The following VAT1L variants were observed in gnomAD, a reference collection of about 807,000 sequenced individuals.
VAT1L encodes the protein vesicle amine transport 1 like.
In VAT1L, 34 loss-of-function variants were observed where a neutral mutation model predicts 44.1. The observed-to-expected ratio is 0.77, with a 90% CI of 0.59 to 1.03. The LOEUF is 1.03. VAT1L is among the 50% of genes least tolerant of loss of function. VAT1L has a pLI of 0.00. For synonymous variants in VAT1L, 253 were observed against 202.2 expected, an observed-to-expected ratio of 1.25 and a Z score of -2.13; for missense variants, 615 against 538.8, an observed-to-expected ratio of 1.14 and a Z score of -1.40.
chr16:77,923,133 G>A (rs1464929288), intron 7 of VAT1L, among the ~76,000 whole-genome samples: 4 of 152,150 alleles, frequency 2.6e-5, no homozygotes, highest in African/African-American at 7.2e-5. Flanking sequence ...GGCTTCTGGA[G>A]GACAATTCTG....
chr16:77,835,689 A>G (rs952582188), intron 3 of VAT1L, among the ~76,000 whole-genome samples: 1 of 152,120 alleles, frequency 6.6e-6, no homozygotes, highest in African/African-American at 2.4e-5. Flanking sequence ...CCTGGCCAAC[A>G]TGGTGAAACC....
intron 7 of VAT1L, among the ~76,000 whole-genome samples, chr16:77,958,417 A>C (rs755193250): frequency 6.6e-6 from 1 of 152,168 alleles, no homozygotes; most frequent in Admixed American, 6.5e-5. Flanking sequence ...GAGCATCTCC[A>C]TAAGCTAAAG....
intron 7 of VAT1L, among the ~76,000 whole-genome samples, chr16:77,961,349 C>T (rs2018158159): frequency 6.6e-6 from 1 of 152,152 alleles, no homozygotes; most frequent in African/African-American, 2.4e-5. Flanking sequence ...GGTTCAAGGG[C>T]TTCCTTCCAG....
At chr16:77,824,624 C>A (rs1227572857) in intron 2 of VAT1L, among the ~76,000 whole-genome samples, 1 of 151,002 alleles carries the variant, frequency 6.6e-6, no homozygotes, top group East Asian at 2.0e-4. Flanking sequence ...GGCATGGTGA[C>A]AGGCACCTGT....
intron 4 of VAT1L, among the ~76,000 whole-genome samples, chr16:77,875,195 GGACAT>G (rs375724754): frequency 1.3e-5 from 2 of 152,214 alleles, no homozygotes; most frequent in East Asian, 3.9e-4. Flanking sequence ...GCTGGATTTT[GGACAT>G]GACATGAGGG....
intron 7 of VAT1L, among the ~76,000 whole-genome samples, chr16:77,926,617 T>C (rs1946789795): frequency 6.6e-6 from 1 of 152,072 alleles, no homozygotes; most frequent in Admixed American, 6.6e-5. Context: ...AGCTAAAAGA[T>C]ACGGTGGTTG....
At chr16:77,892,401 T>C in intron 7 of VAT1L, 1 of 418,288 alleles carries the variant, frequency 2.4e-6, no homozygotes, top group South Asian at 1.9e-5. Context: ...ATCTCCTGGC[T>C]CTGCAGACAC....
chr16:77,841,976 C>T (rs758286224), intron 3 of VAT1L, among the ~76,000 whole-genome samples: 1 of 152,070 alleles, frequency 6.6e-6, no homozygotes, highest in Non-Finnish European at 1.5e-5. Context: ...CAAGCTCCAC[C>T]TCCCGGGTTC....
At chr16:77,805,475 G>A (rs545863806) in intron 1 of VAT1L, among the ~76,000 whole-genome samples, 55 of 151,532 alleles carry the variant, frequency 3.6e-4, no homozygotes, top group Admixed American at 1.1e-3. Context: ...CTTTGACCCC[G>A]CATGGATTGG....
chr16:77,968,402 G>A (rs1490336774), intron 7 of VAT1L, among the ~76,000 whole-genome samples: 1 of 152,196 alleles, frequency 6.6e-6, no homozygotes, highest in East Asian at 1.9e-4. Flanking sequence ...CGTTCACCCT[G>A]GGTACAATGC....
rs775945952 is a variant in VAT1L at position 77,971,908 on chromosome 16, A to G, written c.1136A>G (p.Asp379Gly). 1 of 1,613,892 alleles carries G rather than the reference A, an allele frequency of 6.2e-7. No homozygotes were observed. The highest frequency in any genetic ancestry group is 8.5e-7 in the Non-Finnish European group (1 of 1,179,880). ...DRGNIGKLILDVEKTPTPLMA... is the reference protein window; with the variant it reads ...DRGNIGKLILGVEKTPTPLMA... ...GGGAACATTGGCAAGTTAATTCTGG[A>G]TGTAGAAAAGACCCCAACTCCACTG... Residue 379 changes from aspartate (D) to glycine (G), a missense_variant, in exon 8 of 9, where the codon GAT becomes GGT. Asp to Gly is a moderately conservative substitution (Grantham distance 94). Coordinates refer to ENST00000302536, the MANE Select transcript of VAT1L (RefSeq NM_020927.3).
chr16:77,950,428 AC>A (rs1486468386), intron 7 of VAT1L, among the ~76,000 whole-genome samples: 5 of 151,352 alleles, frequency 3.3e-5, no homozygotes, highest in Non-Finnish European at 7.4e-5. Context: ...ACACACACAC[AC>A]ACACACACAC....
At chr16:77,861,193 T>G (rs2016911089) in intron 3 of VAT1L, among the ~76,000 whole-genome samples, 1 of 151,204 alleles carries the variant, frequency 6.6e-6, no homozygotes, top group Admixed American at 6.7e-5. Context: ...GACATGAAAA[T>G]AAGATGATAG....
At chr16:77,861,171 C>T (rs184726628) in intron 3 of VAT1L, among the ~76,000 whole-genome samples, 16 of 152,186 alleles carry the variant, frequency 1.1e-4, no homozygotes, top group Admixed American at 8.5e-4. Context: ...TGATTTAGTC[C>T]GCCAGCATGA....
rs377317060 is a variant in VAT1L at position 77,960,916 on chromosome 16, C to T, written c.1078-10934C>T. 1.1e-4 allele frequency among the ~76,000 whole-genome samples: 17 copies of T among 152,154 alleles called. No homozygotes were observed. The South Asian group carries it at 1.5e-3, about 13-fold the overall frequency. Reference sequence around the variant, plus strand: ...AATTAAATTTTCCCCATGGGTCACGCGCTGAGTCTTGAACACCAGCCAACT... The same window carrying T: ...AATTAAATTTTCCCCATGGGTCACGTGCTGAGTCTTGAACACCAGCCAACT... On this transcript the variant is annotated intron_variant, in intron 7 of 8. Coordinates refer to ENST00000302536, the MANE Select transcript of VAT1L (RefSeq NM_020927.3).
At chr16:77,952,417 T>A (rs1445406222) in intron 7 of VAT1L, among the ~76,000 whole-genome samples, 1 of 152,062 alleles carries the variant, frequency 6.6e-6, no homozygotes, top group Non-Finnish European at 1.5e-5. Flanking sequence ...ACACCAGACC[T>A]GGTAGTTTAA....
intron 3 of VAT1L, among the ~76,000 whole-genome samples, chr16:77,860,175 G>C (rs2016901877): frequency 1.3e-5 from 2 of 152,204 alleles, no homozygotes; most frequent in African/African-American, 4.8e-5. Context: ...CTTGATTTTA[G>C]ACTTTGAGCC....
rs1597131164 is a variant in VAT1L, at chr16:77,977,612, A to C, written c.1177A>C (p.Thr393Pro). 6.2e-7 allele frequency: 1 copy of C among 1,614,006 alleles called. No homozygotes were observed. The highest frequency in any genetic ancestry group is 1.3e-5 in the African/African-American group (1 of 74,928). The change falls in exon 9 of 9, where the codon ACA (threonine) becomes CCA (proline). Residue 393 changes from threonine (T) to proline (P), a missense_variant. Coordinates refer to ENST00000302536, the MANE Select transcript of VAT1L (RefSeq NM_020927.3). ...TGAATTACAGATGGCCAATGACAGC[A>C]CAGAGACCAGTGAAGCAGGGGAAGA... ...TPTPLMANDS[T>P]ETSEAGEEEE... is the part of the protein sequence containing the mutation.
Position 77,809,256 on chromosome 16 carries a change from C to T in VAT1L, c.234-7665C>T, listed in dbSNP as rs1051924259. Among the ~76,000 whole-genome samples, 5 of 151,922 alleles carry T rather than the reference C, an allele frequency of 3.3e-5. No homozygotes were observed. The East Asian group carries it at 9.6e-4, about 29-fold the overall frequency. On this transcript the variant is annotated intron_variant, in intron 1 of 8. Coordinates refer to ENST00000302536, the MANE Select transcript of VAT1L (RefSeq NM_020927.3). ...GTTGTTGTAAAACTGAAATGACACT[C>T]AACACCATGCCTGATACATAGAAAG...
Sources: allele counts gnomAD v4.1 joint callset (sites outside exome capture counted in the v4.1 genomes callset), GRCh38; gene constraint gnomAD v4.1.1; transcripts MANE v1.5; gene names NCBI Gene and HGNC (gene_info 2026-07-23, HGNC 2026-07-21).